The following MBD5 variants were observed in gnomAD, a reference collection of about 807,000 sequenced individuals.
The protein encoded by MBD5 is methyl-CpG binding domain protein 5, also known as methyl-CpG-binding domain protein 5.
Under a neutral mutation model 117.3 loss-of-function variants are expected in MBD5, and 13 were observed. The observed-to-expected ratio is 0.11, with a 90% CI of 0.07 to 0.18. The LOEUF (loss-of-function observed/expected upper bound fraction) is 0.18. Ranked by LOEUF, MBD5 falls within the 10% of genes least tolerant of loss-of-function variation. The pLI, the probability that MBD5 is intolerant of heterozygous loss-of-function variation, is 1.00. For synonymous variants in MBD5, 727 were observed against 766.4 expected, an observed-to-expected ratio of 0.95 and a Z score of 0.85; for missense variants, 1,879 against 2,093.8, an observed-to-expected ratio of 0.90 and a Z score of 2.00.
chr2:148,430,206 C>A (rs937554012), intron 4 of MBD5, among the ~76,000 whole-genome samples: 4 of 152,088 alleles, frequency 2.6e-5, no homozygotes, highest in Admixed American at 6.6e-5. Flanking sequence ...TTACTTAGTG[C>A]CAGGCACTAA....
intron 3 of MBD5, among the ~76,000 whole-genome samples, chr2:148,298,088 C>CTG (rs1701697245): frequency 6.6e-6 from 1 of 152,210 alleles, no homozygotes; most frequent in South Asian, 2.1e-4. Context: ...AGCATGGAAC[C>CTG]TGTGCCCTAA....
intron 4 of MBD5, among the ~76,000 whole-genome samples, chr2:148,445,982 T>G (rs554519777): frequency 4.0e-5 from 6 of 150,258 alleles, no homozygotes; most frequent in Admixed American, 1.3e-4. Context: ...GGGTTGTTTG[T>G]TTTTTTTTCT....
intron 2 of MBD5, among the ~76,000 whole-genome samples, chr2:148,207,617 A>G (rs1699317763): frequency 6.6e-6 from 1 of 151,976 alleles, no homozygotes; most frequent in African/African-American, 2.4e-5. Context: ...GGAACATTGC[A>G]AAGATACCCA....
At chr2:148,105,212 C>G (rs987779628) in intron 1 of MBD5, among the ~76,000 whole-genome samples, 1 of 115,822 alleles carries the variant, frequency 8.6e-6, no homozygotes. Flanking sequence ...TAGATTATAA[C>G]GTTTCTTTCT....
chr2:148,200,689 T>C (rs1026513769), intron 2 of MBD5, among the ~76,000 whole-genome samples: 1 of 131,920 alleles, frequency 7.6e-6, no homozygotes, highest in Non-Finnish European at 1.6e-5. Flanking sequence ...CGAGACTCTA[T>C]CTCAAAAAAA....
chr2:148,256,667 T>C (rs1700597862), intron 3 of MBD5, among the ~76,000 whole-genome samples: 1 of 152,218 alleles, frequency 6.6e-6, no homozygotes, highest in Admixed American at 6.5e-5. Context: ...CAGTACTAGG[T>C]TGGACTGCAA....
At chr2:148,213,877 C>A (rs1284460837) in intron 2 of MBD5, among the ~76,000 whole-genome samples, 2 of 152,018 alleles carry the variant, frequency 1.3e-5, no homozygotes, top group East Asian at 3.9e-4. Context: ...ATCTGTGAGT[C>A]AGTAAATTTT....
chr2:148,031,179 A>T (rs924525035), intron 1 of MBD5, among the ~76,000 whole-genome samples: 4 of 152,180 alleles, frequency 2.6e-5, no homozygotes. Flanking sequence ...TATTTTTGTA[A>T]TGTTTTCTAT....
intron 1 of MBD5, among the ~76,000 whole-genome samples, chr2:148,068,231 T>C (rs764157031): frequency 2.4e-4 from 36 of 152,280 alleles, no homozygotes; most frequent in Admixed American, 5.9e-4. Context: ...TAGATAGCTA[T>C]GTGAACCACT....
intron 8 of MBD5, among the ~76,000 whole-genome samples, chr2:148,480,779 A>T (rs1235758979): frequency 6.6e-6 from 1 of 151,704 alleles, no homozygotes; most frequent in Admixed American, 6.6e-5. Context: ...TTCTTACCCT[A>T]CTCTTGGTGA....
chr2:148,255,142 G>A (rs1470535755), intron 3 of MBD5, among the ~76,000 whole-genome samples: 1 of 152,180 alleles, frequency 6.6e-6, no homozygotes, highest in African/African-American at 2.4e-5. Context: ...CGGTCAAAAC[G>A]ACAGAGCAGG....
chr2:148,329,042 CA>C (rs1413871547), intron 3 of MBD5, among the ~76,000 whole-genome samples: 4 of 152,010 alleles, frequency 2.6e-5, no homozygotes, highest in African/African-American at 7.2e-5. Context: ...ATCATTTTTG[CA>C]TTATTACATT....
intron 3 of MBD5, among the ~76,000 whole-genome samples, chr2:148,322,699 T>G (rs1174533020): frequency 6.6e-6 from 1 of 152,216 alleles, no homozygotes; most frequent in Non-Finnish European, 1.5e-5. Flanking sequence ...CACACTATTT[T>G]GAACACACAT....
chr2:148,088,469 G>A (rs1402235785), intron 1 of MBD5, among the ~76,000 whole-genome samples: 2 of 152,078 alleles, frequency 1.3e-5, no homozygotes, highest in Admixed American at 6.6e-5. Flanking sequence ...TAAAGCATCA[G>A]GTAACCTATA....
intron 3 of MBD5, among the ~76,000 whole-genome samples, chr2:148,245,259 A>T (rs1700309678): frequency 1.3e-5 from 2 of 149,332 alleles, no homozygotes; most frequent in Non-Finnish European, 3.0e-5. Flanking sequence ...AGAGTCTCGC[A>T]CTGTTGCCCA....
intron 3 of MBD5, among the ~76,000 whole-genome samples, chr2:148,256,496 T>C (rs117625025): frequency 6.6e-6 from 1 of 152,360 alleles, no homozygotes; most frequent in East Asian, 1.9e-4. Flanking sequence ...GCAACTTCTG[T>C]ATTTTCCAGG....
chr2:148,407,637 T>G (rs1705124100), intron 4 of MBD5, among the ~76,000 whole-genome samples: 1 of 152,104 alleles, frequency 6.6e-6, no homozygotes, highest in African/African-American at 2.4e-5. Context: ...GTTGTTGAGG[T>G]GTTCATACCT....
At chr2:148,461,213 G>A (rs1056382103) in intron 5 of MBD5, among the ~76,000 whole-genome samples, 4 of 152,212 alleles carry the variant, frequency 2.6e-5, no homozygotes, top group South Asian at 2.1e-4. Context: ...GTTTACAGGC[G>A]TGAGCCACTG....
chr2:148,102,664 TACACACAC>T (rs113654978), intron 1 of MBD5, among the ~76,000 whole-genome samples: 1 of 143,680 alleles, frequency 7.0e-6, no homozygotes, highest in Non-Finnish European at 1.5e-5. Flanking sequence ...TTGCTTATTT[TACACACAC>T]ACACACACAC....
Sources: gnomAD v4.1 joint callset for allele counts (sites outside exome capture counted in the v4.1 genomes callset) on GRCh38, gnomAD v4.1.1 for gene constraint, MANE v1.5 for transcripts, NCBI Gene and HGNC (gene_info 2026-07-23, HGNC 2026-07-21) for gene names.